The following ERICH1 variants were observed in gnomAD, a reference collection of about 807,000 sequenced individuals.
ERICH1 encodes the protein glutamate-rich protein 1.
Under a neutral mutation model 39.6 loss-of-function variants are expected in ERICH1, and 56 were observed. The ratio of observed to expected loss-of-function variants is 1.41; its 90% CI spans 1.14 to 1.77. The LOEUF (loss-of-function observed/expected upper bound fraction) is 1.77. Ranked by LOEUF, ERICH1 falls within the 40% of genes most tolerant of loss-of-function variation. The probability of loss-of-function intolerance (pLI) is 0.00; values close to 1 mark genes in which losing one functional copy is unlikely to be tolerated. For synonymous variants in ERICH1, 313 were observed against 223.6 expected (o/e 1.40, Z -3.57); for missense variants, 826 against 575.4 (o/e 1.44, Z -4.45).
At chr8:686,141 C>CTGG in intron 3 of ERICH1, among the ~76,000 whole-genome samples, 1 of 152,214 alleles carries the variant, frequency 6.6e-6, no homozygotes, top group African/African-American at 2.4e-5. Flanking sequence ...GATGACAGAG[C>CTGG]GAGACTCCAT....
At chr8:712,403 G>A (rs545294025) in intron 2 of ERICH1, among the ~76,000 whole-genome samples, 5 of 151,288 alleles carry the variant, frequency 3.3e-5, no homozygotes, top group South Asian at 2.1e-4. Flanking sequence ...TGGGGGGGTG[G>A]TAATATAAAT....
In ERICH1 at chr8:676,461, GCGGCGGCCCCTCGGCGAGGACAGAGA is replaced by G. The variant is rs1284420387; in HGVS notation, c.305-2440_305-2415del. On this transcript the variant is annotated intron_variant, in intron 3 of 5. Transcript: ENST00000262109. ...GCGGCCCCTCGGCGAGGACAGAGAC[GCGGCGGCCCCTCGGCGAGGACAGAGA>G]CGCGGCGGCCCCTCGTGAGGACAGA... 7.0e-3 allele frequency among the ~76,000 whole-genome samples: 528 copies of G among 75,266 alleles called. 59 individuals carry two copies. The highest frequency in any genetic ancestry group is 0.034 in the East Asian group (76 of 2,252). 49.4% of individuals were successfully genotyped at this position (75,266 alleles called of 152,430 possible). A position where few individuals can be genotyped will look rare whatever the true frequency, so the allele number is the denominator to read the frequency against.
chr8:675,910 A>G (rs868700133), intron 3 of ERICH1, among the ~76,000 whole-genome samples: 47 of 19,858 alleles, frequency 2.4e-3, no homozygotes, highest in African/African-American at 4.2e-3. Context: ...GAGGACAGAG[A>G]CGCGGCGGCC....
intron 3 of ERICH1, among the ~76,000 whole-genome samples, chr8:655,304 C>T (rs951408304): frequency 1.3e-5 from 2 of 152,226 alleles, no homozygotes; most frequent in African/African-American, 4.8e-5. Flanking sequence ...CCTCATGCCA[C>T]AGGCAGGTTG....
intron 3 of ERICH1, among the ~76,000 whole-genome samples, chr8:682,068 T>C (rs1328919426): frequency 1.9e-4 from 1 of 5,136 alleles, no homozygotes; most frequent in East Asian, 6.2e-3. Flanking sequence ...ATTCCCACTT[T>C]TCCATGATGA....
intron 5 of ERICH1, chr8:666,020 A>G (rs1015511646): frequency 4.6e-5 from 7 of 152,254 alleles, no homozygotes; most frequent in Non-Finnish European, 1.0e-4. Flanking sequence ...TTATTTCATA[A>G]AATAGCTTGA....
chr8:658,705 TG>T (rs1800994892), intron 3 of ERICH1, among the ~76,000 whole-genome samples: 1 of 152,138 alleles, frequency 6.6e-6, no homozygotes, highest in Non-Finnish European at 1.5e-5. Flanking sequence ...ACCCTAGAGA[TG>T]CCCCTGGTAC....
At position 684,769 on chromosome 8, in the gene ERICH1, C is replaced by T. The variant is rs556229299; in HGVS notation, c.304+7709G>A. Reference sequence around the variant, plus strand: ...AGCTGGGTGTCCGGGGGAGACATCACATGTCAGCAGGTTCCGTGATGCCCC... The same window carrying T: ...AGCTGGGTGTCCGGGGGAGACATCATATGTCAGCAGGTTCCGTGATGCCCC... On this transcript the variant is annotated intron_variant, in intron 3 of 5. Coordinates refer to ENST00000262109, the MANE Select transcript of ERICH1 (RefSeq NM_207332.3). Among the ~76,000 whole-genome samples the T allele has an allele frequency of 2.1e-3, 319 of 152,298 alleles. 1 individual carries two copies. The highest frequency in any genetic ancestry group is 0.012 in the South Asian group (60 of 4,822).
chr8:670,789 G>A (rs1803126597), intron 4 of ERICH1, among the ~76,000 whole-genome samples: 1 of 152,026 alleles, frequency 6.6e-6, no homozygotes, highest in Admixed American at 6.5e-5. Flanking sequence ...TGAACCCCCT[G>A]GCCCCAGGTC....
At chr8:690,727 G>C (rs919823215) in intron 3 of ERICH1, among the ~76,000 whole-genome samples, 1 of 152,266 alleles carries the variant, frequency 6.6e-6, no homozygotes, top group East Asian at 1.9e-4. Context: ...TGCCCAGGGG[G>C]CCTGGTGCCA....
intron 3 of ERICH1, among the ~76,000 whole-genome samples, chr8:636,162 C>G (rs1037084362): frequency 6.6e-6 from 1 of 152,216 alleles, no homozygotes; most frequent in Non-Finnish European, 1.5e-5. Context: ...TGAATCCCTG[C>G]GCCCCGGCCA....
At chr8:656,908 AAAC>A in intron 3 of ERICH1, 3 of 899,042 alleles carry the variant, frequency 3.3e-6, no homozygotes, top group Non-Finnish European at 4.0e-6. Flanking sequence ...CATTTAAGAT[AAAC>A]AATACACTCC....
At chr8:683,485 C>T (rs1371340520) in intron 3 of ERICH1, among the ~76,000 whole-genome samples, 1 of 152,152 alleles carries the variant, frequency 6.6e-6, no homozygotes, top group African/African-American at 2.4e-5. Flanking sequence ...AGTTCCCTGT[C>T]ACTTTAAAAA....
chr8:627,172 T>C (rs776286269), intron 3 of ERICH1: 8 of 456,188 alleles, frequency 1.8e-5, no homozygotes, highest in Non-Finnish European at 3.1e-5. Flanking sequence ...TGAGCTCACA[T>C]GTAGCCACTG....
intron 2 of ERICH1, among the ~76,000 whole-genome samples, chr8:703,416 G>C (rs994601382): frequency 3.9e-5 from 6 of 152,184 alleles, no homozygotes; most frequent in African/African-American, 1.2e-4. Context: ...AGACACAGCA[G>C]ACACGAGATC....
chr8:688,276 T>TC (rs1808000701), intron 3 of ERICH1, among the ~76,000 whole-genome samples: 4 of 46,754 alleles, frequency 8.6e-5, no homozygotes, highest in Admixed American at 2.4e-4. Context: ...GTTCCGCCCG[T>TC]CCCCGCCCCG....
chr8:678,679 G>T (rs1286789970), intron 3 of ERICH1, among the ~76,000 whole-genome samples: 2 of 152,226 alleles, frequency 1.3e-5, no homozygotes, highest in South Asian at 4.1e-4. Context: ...ATGGTGGCAG[G>T]TGCCTGTAGT....
intron 2 of ERICH1, among the ~76,000 whole-genome samples, chr8:695,257 T>TC (rs1809887688): frequency 6.6e-6 from 1 of 151,984 alleles, no homozygotes; most frequent in African/African-American, 2.4e-5. Context: ...GGGACCCTCA[T>TC]CCGTTCCCTC....
At chr8:699,784 C>G (rs117239736) in intron 2 of ERICH1, among the ~76,000 whole-genome samples, 1,834 of 96,458 alleles carry the variant, frequency 0.019, 76 homozygotes, top group East Asian at 0.081. Context: ...GACCCGCACA[C>G]GCGCACAGAC....
Sources: gnomAD v4.1 joint callset for allele counts (sites outside exome capture counted in the v4.1 genomes callset) on GRCh38, gnomAD v4.1.1 for gene constraint, MANE v1.5 for transcripts, NCBI Gene and HGNC (gene_info 2026-07-23, HGNC 2026-07-21) for gene names.